DIAPH3: variants seen among roughly 807,000 people sequenced by gnomAD.
DIAPH3 encodes protein diaphanous homolog 3.
Under a neutral mutation model 144.3 loss-of-function variants are expected in DIAPH3, and 117 were observed. The observed-to-expected ratio is 0.81, with a 90% confidence interval of 0.70 to 0.95. The LOEUF is 0.95. Among genes scored for constraint, DIAPH3 ranks in the 40% least tolerant of loss-of-function variants. The pLI is 0.00. For synonymous variants in DIAPH3, 519 were observed against 488.9 expected (o/e 1.06, Z -0.81); for missense variants, 1,421 against 1,412.7 (o/e 1.01, Z -0.09).
intron 5 of DIAPH3, among the ~76,000 whole-genome samples, chr13:60,017,445 A>G (rs537470651): frequency 9.9e-5 from 15 of 152,170 alleles, no homozygotes; most frequent in East Asian, 3.9e-4. Context: ...ACAGAACACT[A>G]TAAAGAATAA....
chr13:59,673,116 G>T (rs1400591889), intron 27 of DIAPH3, among the ~76,000 whole-genome samples: 1 of 152,152 alleles, frequency 6.6e-6, no homozygotes, highest in Non-Finnish European at 1.5e-5. Context: ...CAGGCTCTGT[G>T]CACACAACAA....
chr13:60,076,622 T>C (rs766102918), intron 4 of DIAPH3, among the ~76,000 whole-genome samples: 3 of 152,178 alleles, frequency 2.0e-5, no homozygotes, highest in Non-Finnish European at 2.9e-5. Context: ...AAATGCCTCA[T>C]CTTTGGTAGG....
At chr13:60,141,234 C>G (rs964780496) in intron 1 of DIAPH3, among the ~76,000 whole-genome samples, 2 of 151,892 alleles carry the variant, frequency 1.3e-5, no homozygotes, top group East Asian at 3.9e-4. Context: ...TAGATAATTC[C>G]TTAATGTAAA....
At chr13:59,729,351 A>G (rs1272643108) in intron 27 of DIAPH3, among the ~76,000 whole-genome samples, 1 of 152,170 alleles carries the variant, frequency 6.6e-6, no homozygotes, top group Non-Finnish European at 1.5e-5. Flanking sequence ...GCACAGAGAT[A>G]AGAGTTGGAA....
At chr13:59,905,342 CAAAAAAAAAAAAAA>C (rs59114311) in intron 20 of DIAPH3, among the ~76,000 whole-genome samples, 5 of 69,750 alleles carry the variant, frequency 7.2e-5, no homozygotes, top group South Asian at 5.2e-4. Context: ...GACTCTGTCT[CAAAAAAAAAAAAAA>C]AAAAAAAAAA....
intron 1 of DIAPH3, among the ~76,000 whole-genome samples, chr13:60,157,377 G>A (rs1420871966): frequency 6.6e-6 from 1 of 152,172 alleles, no homozygotes; most frequent in Non-Finnish European, 1.5e-5. Flanking sequence ...CAAAAAATGG[G>A]CTATTGCTTC....
intron 27 of DIAPH3, among the ~76,000 whole-genome samples, chr13:59,670,583 CTTTT>C (rs1229739034): frequency 7.4e-6 from 1 of 134,672 alleles, no homozygotes; most frequent in Non-Finnish European, 1.6e-5. Flanking sequence ...TGGAAGTTCA[CTTTT>C]TTTTTTTTTT....
intron 5 of DIAPH3, among the ~76,000 whole-genome samples, chr13:60,021,350 C>T (rs1342334094): frequency 6.6e-6 from 1 of 152,168 alleles, no homozygotes; most frequent in Non-Finnish European, 1.5e-5. Context: ...AAGGGATGGG[C>T]ACCCTGGCTC....
intron 17 of DIAPH3, among the ~76,000 whole-genome samples, chr13:59,934,868 C>T (rs1379148493): frequency 1.3e-5 from 2 of 152,140 alleles, no homozygotes; most frequent in African/African-American, 4.8e-5. Context: ...GATAACTCCC[C>T]ACACTTTGCA....
At chr13:60,159,297 C>T (rs1247042563) in intron 1 of DIAPH3, among the ~76,000 whole-genome samples, 1 of 152,154 alleles carries the variant, frequency 6.6e-6, no homozygotes, top group Non-Finnish European at 1.5e-5. Context: ...AAGTTCCCAA[C>T]AGCTATGGGA....
chr13:60,031,732 C>CTTTTTTTTTTTT lies in DIAPH3; in HGVS notation c.626+10946_626+10957dup, dbSNP rs1165739891. ...AAACCCAGTAGGGCAGTCATTAAAT[C>CTTTTTTTTTTTT]TTTTTTTTTTTTTTTTTTTTTTTTT... On this transcript the variant is annotated intron_variant, in intron 5 of 27. Transcript: ENST00000400324. Among the ~76,000 whole-genome samples the CTTTTTTTTTTTT allele has an allele frequency of 1.7e-4, 11 of 64,680 alleles. 2 individuals are homozygous for CTTTTTTTTTTTT. The highest frequency in any genetic ancestry group is 5.3e-4 in the African/African-American group (8 of 15,162). The allele number at this position is 64,680 out of a possible 152,430, so 42.4% of individuals were successfully genotyped here.
chr13:59,689,826 G>A (rs1188430094), intron 27 of DIAPH3, among the ~76,000 whole-genome samples: 1 of 151,598 alleles, frequency 6.6e-6, no homozygotes, highest in Non-Finnish European at 1.5e-5. Flanking sequence ...TGTTATGCAA[G>A]TGATGCTTTA....
At position 59,835,186 on chromosome 13, in the gene DIAPH3, C is replaced by T. The variant is rs113852625; in HGVS notation, c.2863-1915G>A. Among the ~76,000 whole-genome samples, 463 of 151,814 alleles carry T rather than the reference C, an allele frequency of 3.0e-3. 4 individuals are homozygous for T. The highest frequency in any genetic ancestry group is 0.011 in the African/African-American group (446 of 41,508). ...TATATTTCATAGACTTTCTTAAGTA[C>T]ACAGGATCCAGCAAGCCATTCAGTA... On this transcript the variant is annotated intron_variant, in intron 23 of 27. Transcript: ENST00000400324.
chr13:59,984,705 T>A (rs1387949398), intron 12 of DIAPH3, among the ~76,000 whole-genome samples: 4 of 141,150 alleles, frequency 2.8e-5, no homozygotes, highest in African/African-American at 1.1e-4. Flanking sequence ...TCTACGCAAA[T>A]AAACTAGAAA....
At chr13:60,004,962 C>T (rs936586177) in intron 9 of DIAPH3, among the ~76,000 whole-genome samples, 19 of 152,102 alleles carry the variant, frequency 1.2e-4, no homozygotes, top group African/African-American at 4.6e-4. Context: ...TCCATAACTA[C>T]GGAAGGAAAA....
chr13:59,832,963 G>A (rs988753878), intron 24 of DIAPH3, 144 bp downstream of exon 24: 3 of 721,950 alleles, frequency 4.2e-6, no homozygotes. Flanking sequence ...TTTTTCAATA[G>A]ATTTTTAAAT....
intron 1 of DIAPH3, among the ~76,000 whole-genome samples, chr13:60,138,909 T>C (rs577749232): frequency 6.6e-6 from 1 of 152,058 alleles, no homozygotes; most frequent in African/African-American, 2.4e-5. Flanking sequence ...CTATGGCTGA[T>C]AATAGGTTGA....
Position 59,897,517 on chromosome 13 carries a change from A to AG in DIAPH3, c.2367+14217dup, listed in dbSNP as rs376694901. Among the ~76,000 whole-genome samples the AG allele has an allele frequency of 4.0e-3, 612 of 152,142 alleles. 4 individuals are homozygous for AG. Among genetic ancestry groups the AG allele is most frequent in the African/African-American group, 0.013 (540 of 41,504 alleles). On this transcript the variant is annotated intron_variant, in intron 20 of 27. Transcript: ENST00000400324. ...GTAATCCCAGCACTTTGGGAGGCCGAGGGGGGCGGATCACAAGGTCAGGAG... is the reference window on the plus strand; with the variant it reads ...GTAATCCCAGCACTTTGGGAGGCCGAGGGGGGGCGGATCACAAGGTCAGGAG...
chr13:59,705,240 A>G (rs2034351937), intron 27 of DIAPH3, among the ~76,000 whole-genome samples: 1 of 152,214 alleles, frequency 6.6e-6, no homozygotes, highest in Non-Finnish European at 1.5e-5. Context: ...TTCTTGACTC[A>G]TGACAAGAGA....
Sources: gnomAD v4.1 joint callset for allele counts (sites outside exome capture counted in the v4.1 genomes callset) on GRCh38, gnomAD v4.1.1 for gene constraint, MANE v1.5 for transcripts, NCBI Gene and HGNC (gene_info 2026-07-23, HGNC 2026-07-21) for gene names.